Variants in IL17REL observed in about 807,000 individuals in gnomAD.
IL17REL encodes the protein interleukin 17 receptor E like.
Under a neutral mutation model 49.0 loss-of-function variants are expected in IL17REL, and 36 were observed. That is an observed-to-expected ratio of 0.73 (90% CI 0.56 to 0.97). The LOEUF (loss-of-function observed/expected upper bound fraction) is 0.97. IL17REL is among the 50% of genes least tolerant of loss of function. The probability of loss-of-function intolerance (pLI) is 0.00; values close to 1 mark genes in which losing one functional copy is unlikely to be tolerated. For missense variants in IL17REL, 470 were observed against 453.9 expected (o/e 1.04, Z -0.32); for synonymous variants, 206 against 192.4 (o/e 1.07, Z -0.58).
At chr22:50,006,595 A>T (rs1465245151) in intron 1 of IL17REL, among the ~76,000 whole-genome samples, 1 of 152,132 alleles carries the variant, frequency 6.6e-6, no homozygotes, top group African/African-American at 2.4e-5. Context: ...GGCACACTTG[A>T]GAGAAATGGA....
intron 11 of IL17REL, 39 bp from the exon 14 acceptor site, chr22:49,997,113 G>A (rs1601884467): frequency 6.4e-7 from 1 of 1,551,264 alleles, no homozygotes; most frequent in Non-Finnish European, 8.7e-7. Context: ...ATGGGAGGAA[G>A]GGTGGATCAG....
At chr22:49,997,915 C>T in intron 9 of IL17REL, 110 bp downstream of exon 11, 1 of 1,484,930 alleles carries the variant, frequency 6.7e-7, no homozygotes, top group South Asian at 1.2e-5. Context: ...TGAGGGACGC[C>T]TGGGAGGCTA....
chr22:50,000,923 G>A (rs1230983152), intron 2 of IL17REL, 60 bp from the exon 4 acceptor site: 11 of 1,366,340 alleles, frequency 8.1e-6, no homozygotes, highest in South Asian at 1.4e-5. Context: ...GGCTCCGGAC[G>A]GGGCCGTGGG....
exon 10 of IL17REL, chr22:49,997,688 G>C: frequency 6.2e-7 from 1 of 1,613,808 alleles, no homozygotes; most frequent in Non-Finnish European, 8.5e-7. Context: ...AACTTACTTG[G>C]GAAGCGACGC....
Position 49,999,821 on chromosome 22 carries a change from C to A in IL17REL, c.474+7G>T, listed in dbSNP as rs1184642534. The A allele has an allele frequency of 6.7e-7, 1 of 1,497,830 alleles. No homozygotes were observed. Among genetic ancestry groups the A allele is most frequent in the South Asian group, 1.3e-5 (1 of 78,826 alleles). 92.8% of individuals were successfully genotyped at this position (1,497,830 alleles called of 1,614,324 possible). ...GGCTGACCGGGGCCCGGGGCGCGGG[C>A]GCTCACTCGCACAGGGGCGCCGGCG... On this transcript the variant is annotated splice_region_variant and intron_variant, in intron 5 of 12. Transcript: ENST00000341280.
chr22:50,001,018 A>G (rs770265134), intron 2 of IL17REL, 64 bp downstream of exon 3: 6 of 1,361,542 alleles, frequency 4.4e-6, no homozygotes, highest in Non-Finnish European at 4.1e-6. Flanking sequence ...ATGGGAATAA[A>G]AGGCACCTGG....
chr22:49,997,275 A>G (rs1418034277), intron 11 of IL17REL, 45 bp downstream of exon 13: 3 of 1,578,892 alleles, frequency 1.9e-6, no homozygotes, highest in Non-Finnish European at 2.6e-6. Flanking sequence ...TCCTGCCGCC[A>G]CCACCCCCAC....
intron 1 of IL17REL, among the ~76,000 whole-genome samples, chr22:50,002,490 CTTTTCTTT>C (rs1569210607): frequency 7.4e-6 from 1 of 134,298 alleles, no homozygotes; most frequent in African/African-American, 2.8e-5. Flanking sequence ...TCTTTCTTTT[CTTTTCTTT>C]TTTTTTTTTT....
At chr22:49,999,838 G>A in exon 5 of IL17REL, 1 of 1,518,866 alleles carries the variant, frequency 6.6e-7, no homozygotes, top group Admixed American at 2.1e-5. Flanking sequence ...TCGCACAGGG[G>A]CGCCGGCGTC....
intron 4 of IL17REL, 25 bp downstream of exon 5, chr22:50,000,453 G>T: frequency 6.4e-7 from 1 of 1,555,036 alleles, no homozygotes; most frequent in Non-Finnish European, 8.9e-7. Context: ...CGGTAGCTGT[G>T]CTCAGGGGGC....
exon 6 of IL17REL, chr22:49,999,439 A>T: frequency 1.2e-6 from 2 of 1,612,246 alleles, no homozygotes; most frequent in Non-Finnish European, 1.7e-6. Context: ...ACCTCCAGGC[A>T]CAGGCACGGC....
rs1322073507 is a variant in IL17REL, at chr22:50,001,250, C to T, written c.-41-19G>A. The stretch of plus-strand genomic sequence containing the variant: ...ATGTTCCCTGGGGAGGGAGAAGGAG[C>T]GTGAGGCCTCGAGTTCCCTGGTGCT... On this transcript the variant is annotated intron_variant, in intron 1 of 12. Coordinates refer to ENST00000341280, the Ensembl canonical transcript of IL17REL. The T allele has an allele frequency of 4.6e-6, 5 of 1,083,858 alleles. No individual in the cohort carries two copies. The highest frequency in any genetic ancestry group is 2.0e-4 in the Middle Eastern group (1 of 4,902). 67.1% of individuals were successfully genotyped at this position (1,083,858 alleles called of 1,614,324 possible).
intron 2 of IL17REL, 52 bp downstream of exon 3, chr22:50,001,030 C>G (rs1157211557): frequency 7.1e-7 from 1 of 1,408,184 alleles, no homozygotes; most frequent in African/African-American, 1.4e-5. Flanking sequence ...GGCACCTGGG[C>G]CCACTGCTGG....
At chr22:50,007,580 T>G (rs910049779) in intron 1 of IL17REL, among the ~76,000 whole-genome samples, 1 of 152,072 alleles carries the variant, frequency 6.6e-6, no homozygotes, top group African/African-American at 2.4e-5. Context: ...GGTTTCACCA[T>G]GTTGGCCAGG....
chr22:49,998,654 G>C (rs1417953251), intron 7 of IL17REL, among the ~76,000 whole-genome samples: 1 of 151,154 alleles, frequency 6.6e-6, no homozygotes, highest in South Asian at 2.1e-4. Flanking sequence ...CTGTGCATGG[G>C]TGTCATGGGT....
At chr22:50,007,071 C>A (rs2061114472) in intron 1 of IL17REL, among the ~76,000 whole-genome samples, 1 of 151,780 alleles carries the variant, frequency 6.6e-6, no homozygotes, top group African/African-American at 2.4e-5. Context: ...GAATGTTTAG[C>A]AAACTAGGAA....
exon 13 of IL17REL, chr22:49,994,580 C>G (rs1185491288): frequency 6.6e-6 from 1 of 152,378 alleles, no homozygotes. Flanking sequence ...CTGCAGCCCC[C>G]TCTCCAGTCT....
chr22:49,992,161 T>TTCCACAAATTTGTGGACACAAATTTG (rs1308261344), downstream of IL17REL, among the ~76,000 whole-genome samples: 1 of 152,194 alleles, frequency 6.6e-6, no homozygotes, highest in Non-Finnish European at 1.5e-5. Flanking sequence ...CAAAGAATTT[T>TTCCACAAATTTGTGGACACAAATTTG]TCCACAAATT....
intron 1 of IL17REL, among the ~76,000 whole-genome samples, chr22:50,006,719 C>T (rs916511883): frequency 3.3e-5 from 5 of 152,040 alleles, no homozygotes; most frequent in African/African-American, 9.6e-5. Context: ...TTTGGGAGGC[C>T]GAGGCGGGCG....
Sources: gnomAD v4.1 joint callset for allele counts (sites outside exome capture counted in the v4.1 genomes callset) on GRCh38, gnomAD v4.1.1 for gene constraint, MANE v1.5 for transcripts, NCBI Gene and HGNC (gene_info 2026-07-23, HGNC 2026-07-21) for gene names.